IARS1: variants seen among roughly 807,000 people sequenced by gnomAD.
IARS1 encodes the protein isoleucine--tRNA ligase, cytoplasmic.
In IARS1, 124 loss-of-function variants were observed where a neutral mutation model predicts 168.2. The ratio of observed to expected loss-of-function variants is 0.74; its 90% CI spans 0.64 to 0.86. The LOEUF (loss-of-function observed/expected upper bound fraction) is 0.86, where lower values mean the gene tolerates loss of function less well. IARS1 is among the 40% of genes least tolerant of loss of function. The pLI, the probability that IARS1 is intolerant of heterozygous loss-of-function variation, is 0.00. For synonymous variants in IARS1, 532 were observed against 529.4 expected (o/e 1.00, Z -0.07); for missense variants, 1,452 against 1,515.8 (o/e 0.96, Z 0.70).
At chr9:92,284,671 G>A (rs1835158310) in intron 6 of IARS1, among the ~76,000 whole-genome samples, 1 of 152,084 alleles carries the variant, frequency 6.6e-6, no homozygotes, top group Non-Finnish European at 1.5e-5. Context: ...TCCAGAGGCT[G>A]AGGCAAAGAA....
At chr9:92,252,425 A>C in intron 21 of IARS1, 1 of 512,522 alleles carries the variant, frequency 2.0e-6, no homozygotes, top group Non-Finnish European at 3.9e-6. Context: ...ACATCTGCAC[A>C]AAAATGAAAT....
At chr9:92,268,066 A>G in intron 14 of IARS1, 108 bp downstream of exon 14, 1 of 1,167,528 alleles carries the variant, frequency 8.6e-7, no homozygotes, top group South Asian at 1.8e-5. Context: ...AAGATGAAAT[A>G]AGAAAGGGGC....
intron 16 of IARS1, among the ~76,000 whole-genome samples, chr9:92,263,521 T>C (rs1053861354): frequency 6.6e-6 from 1 of 152,280 alleles, no homozygotes. Flanking sequence ...ATTTATGTGC[T>C]ACCTAGCTTG....
chr9:92,220,692 G>A (rs1220643302), intron 33 of IARS1, among the ~76,000 whole-genome samples: 1 of 152,168 alleles, frequency 6.6e-6, no homozygotes, highest in Non-Finnish European at 1.5e-5. Flanking sequence ...TAGGCAGGGT[G>A]TGGTGGTTCT....
chr9:92,266,673 G>T lies in IARS1; in HGVS notation c.1432-1120C>A, dbSNP rs1443977658. 1.6e-4 allele frequency among the ~76,000 whole-genome samples: 25 copies of T among 152,180 alleles called. 1 individual carries two copies. The highest frequency in any genetic ancestry group is 1.6e-3 in the Admixed American group (25 of 15,276). ...AATGCTCTCCTTCTGCAGTGAGTTA[G>T]TTCTCTCTCTATTAGCTCCTGTGAG... On this transcript the variant is annotated intron_variant, in intron 14 of 33. Transcript: ENST00000443024.
At chr9:92,282,988 G>A (rs1834875486) in intron 6 of IARS1, among the ~76,000 whole-genome samples, 1 of 151,562 alleles carries the variant, frequency 6.6e-6, no homozygotes, top group African/African-American at 2.4e-5. Flanking sequence ...TGGAGTAGTT[G>A]GAACTAAAGG....
At chr9:92,289,719 C>T (rs1228679147) in intron 1 of IARS1, among the ~76,000 whole-genome samples, 1 of 152,178 alleles carries the variant, frequency 6.6e-6, no homozygotes, top group African/African-American at 2.4e-5. Context: ...TTCTCCATAG[C>T]CAGTGGCAAC....
intron 13 of IARS1, among the ~76,000 whole-genome samples, chr9:92,269,264 G>A (rs1832701575): frequency 6.6e-6 from 1 of 151,118 alleles, no homozygotes; most frequent in South Asian, 2.1e-4. Context: ...GTCTAGTTGG[G>A]TCCTTGTGAG....
rs1275311061 is a variant in IARS1 at position 92,271,087 on chromosome 9, A to G, written c.1114-11T>C. ...ACTTTTGTCAGCATCCTATTAAAAA[A>G]AATTAAAATTTAGCCATTAAAACAT... On this transcript the variant is annotated splice_polypyrimidine_tract_variant and intron_variant, in intron 11 of 33. Coordinates refer to ENST00000443024, the MANE Select transcript of IARS1 (RefSeq NM_002161.6). 1.9e-6 allele frequency: 3 copies of G among 1,575,820 alleles called. No individual in the cohort carries two copies. The African/African-American group carries it at 4.1e-5, about 21-fold the overall frequency.
intron 19 of IARS1, 145 bp downstream of exon 19, chr9:92,258,709 C>A (rs888525847): frequency 1.3e-6 from 1 of 741,142 alleles, no homozygotes; most frequent in Non-Finnish European, 2.1e-6. Context: ...GCATGTATGG[C>A]CTCCCCATGG....
chr9:92,271,597 C>A lies in IARS1; in HGVS notation c.1049G>T (p.Cys350Phe). ...NIIRKDSLPV[C>F]PVDASGCFTT... Reference sequence around the variant, plus strand: ...GAAGCAGCCTGAAGCATCCACAGGGCAAACAGGGAGTGAGTCTTTCCGAAT... The same window carrying A: ...GAAGCAGCCTGAAGCATCCACAGGGAAAACAGGGAGTGAGTCTTTCCGAAT... Residue 350 changes from cysteine to phenylalanine, a missense_variant, in exon 11 of 34, where the codon TGC becomes TTC. By Grantham distance (205) the Cys-to-Phe change is radical. Coordinates refer to ENST00000443024, the MANE Select transcript of IARS1 (RefSeq NM_002161.6). 6.2e-7 allele frequency: 1 copy of A among 1,614,074 alleles called. No homozygotes were observed. Among genetic ancestry groups the A allele is most frequent in the Non-Finnish European group, 8.5e-7 (1 of 1,179,968 alleles).
chr9:92,268,399 C>T, intron 13 of IARS1, 99 bp from the exon 14 acceptor site: 1 of 1,214,734 alleles, frequency 8.2e-7, no homozygotes, highest in South Asian at 1.3e-5. Context: ...CTTTGTGGAC[C>T]AAACACTCTG....
chr9:92,214,568 C>T (rs1036502165), intron 33 of IARS1, among the ~76,000 whole-genome samples: 1 of 152,130 alleles, frequency 6.6e-6, no homozygotes, highest in African/African-American at 2.4e-5. Context: ...GTGCACGCAC[C>T]GTGCGCGAGC....
chr9:92,259,228 C>A (rs1831177644), intron 18 of IARS1, among the ~76,000 whole-genome samples: 1 of 152,182 alleles, frequency 6.6e-6, no homozygotes, highest in East Asian at 1.9e-4. Context: ...CAAAATATGG[C>A]ACTGTATAGC....
At chr9:92,293,113 G>A (rs566614491) in intron 1 of IARS1, among the ~76,000 whole-genome samples, 3 of 152,278 alleles carry the variant, frequency 2.0e-5, no homozygotes, top group East Asian at 3.9e-4. Context: ...AATGTAACCT[G>A]AAAGTGGGAC....
At chr9:92,220,919 G>C (rs1363518313) in intron 33 of IARS1, among the ~76,000 whole-genome samples, 1 of 152,104 alleles carries the variant, frequency 6.6e-6, no homozygotes, top group African/African-American at 2.4e-5. Context: ...AGCTGTGATT[G>C]AGCCACTGCA....
At chr9:92,284,801 A>C (rs1018724929) in intron 6 of IARS1, among the ~76,000 whole-genome samples, 3 of 152,138 alleles carry the variant, frequency 2.0e-5, no homozygotes, top group Non-Finnish European at 2.9e-5. Context: ...CAAATATAGC[A>C]ATATATTAAG....
At chr9:92,269,036 G>A (rs1441359026) in intron 13 of IARS1, among the ~76,000 whole-genome samples, 1 of 151,906 alleles carries the variant, frequency 6.6e-6, no homozygotes, top group Middle Eastern at 3.2e-3. Flanking sequence ...CAGTTTATAT[G>A]CCTGCACCCC....
intron 30 of IARS1, among the ~76,000 whole-genome samples, chr9:92,231,966 T>C (rs1564161655): frequency 6.6e-6 from 1 of 152,192 alleles, no homozygotes; most frequent in Non-Finnish European, 1.5e-5. Context: ...TTACCTCCAC[T>C]ACATATTTAT....
Sources: allele counts gnomAD v4.1 joint callset (sites outside exome capture counted in the v4.1 genomes callset), GRCh38; gene constraint gnomAD v4.1.1; transcripts MANE v1.5; gene names NCBI Gene and HGNC (gene_info 2026-07-23, HGNC 2026-07-21).